Variants in ZNF490 observed in about 807,000 individuals in gnomAD.
The protein encoded by ZNF490 is zinc finger protein 490.
A neutral mutation model predicts 17.7 loss-of-function variants in ZNF490; 11 were observed. The ratio of observed to expected loss-of-function variants is 0.62; its 90% confidence interval spans 0.39 to 1.03. ZNF490 has a LOEUF of 1.03. ZNF490 is among the 50% of genes least tolerant of loss of function. The pLI, the probability that ZNF490 is intolerant of heterozygous loss-of-function variation, is 0.00. For synonymous variants in ZNF490, 222 were observed against 216.1 expected (o/e 1.03, Z -0.24); for missense variants, 542 against 643.4 (o/e 0.84, Z 1.71).
At chr19:12,588,936 G>A (rs555913208) in intron 2 of ZNF490, among the ~76,000 whole-genome samples, 5 of 152,316 alleles carry the variant, frequency 3.3e-5, no homozygotes, top group Non-Finnish European at 7.4e-5. Context: ...GTAGAATGCA[G>A]CAAAAGGAGT....
intron 2 of ZNF490, among the ~76,000 whole-genome samples, chr19:12,598,856 G>A (rs1461481172): frequency 4.6e-5 from 7 of 151,466 alleles, no homozygotes; most frequent in South Asian, 4.2e-4. Flanking sequence ...GCATGGTGGC[G>A]CGCACCTGTA....
At position 12,602,167 on chromosome 19, in the gene ZNF490, T is replaced by C. The variant is rs372905272; in HGVS notation, c.162+6991A>G. On this transcript the variant is annotated intron_variant, in intron 2 of 4. Coordinates refer to ENST00000311437, the MANE Select transcript of ZNF490 (RefSeq NM_020714.3). The stretch of plus-strand genomic sequence containing the variant: ...TTCTGGAATTTCAATTTCATGCCAT[T>C]GATCTCTATGTCTGAATTGCCTCAT... Among the ~76,000 whole-genome samples the C allele has an allele frequency of 1.1e-4, 17 of 149,248 alleles. No homozygotes were observed. In the East Asian group the frequency reaches 3.4e-3, roughly 30 times the overall value.
chr19:12,597,601 C>A (rs2022950239), intron 2 of ZNF490, among the ~76,000 whole-genome samples: 1 of 152,168 alleles, frequency 6.6e-6, no homozygotes. Flanking sequence ...TGAATAACAT[C>A]CCATTTACCG....
rs953950987 is a variant in ZNF490, at chr19:12,578,446, C to T, written c.*2039G>A. On this transcript the variant is annotated 3_prime_UTR_variant, in exon 5 of 5. Transcript: ENST00000311437. ...CAGGCTCTGCTTCTTCAGTCTCTCA[C>T]CTCAGAGCCACCTGCGGTTGCCACA... 1.3e-5 allele frequency: 13 copies of T among 985,316 alleles called. No homozygotes were observed. In the Admixed American group the frequency reaches 4.9e-4, roughly 37 times the overall value. 61.0% of individuals were successfully genotyped at this position (985,316 alleles called of 1,614,324 possible). A position where few individuals can be genotyped will look rare whatever the true frequency, so the allele number is the denominator to read the frequency against.
At chr19:12,609,396 T>TA (rs1035547344) in intron 1 of ZNF490, among the ~76,000 whole-genome samples, 194 bp from the exon 2 acceptor site, 17 of 150,862 alleles carry the variant, frequency 1.1e-4, no homozygotes, top group Admixed American at 2.6e-4. Context: ...GTTTCTACTT[T>TA]AAAAAAAAAA....
At chr19:12,595,771 G>A (rs1427375611) in intron 2 of ZNF490, among the ~76,000 whole-genome samples, 4 of 151,786 alleles carry the variant, frequency 2.6e-5, no homozygotes, top group African/African-American at 4.8e-5. Context: ...CCAACCTGGC[G>A]AAACCCCATC....
rs955514714 is a variant in ZNF490 at position 12,610,797 on chromosome 19, G to A, written c.-117C>T. On this transcript the variant is annotated 5_prime_UTR_variant, in exon 1 of 5. Coordinates refer to ENST00000311437, the MANE Select transcript of ZNF490 (RefSeq NM_020714.3). Reference sequence around the variant, plus strand: ...AGGGCACCAGTTCCGTCCCACCGGCGGAAGCGAGATCTGCCTAGCTACTAG... The same window carrying A: ...AGGGCACCAGTTCCGTCCCACCGGCAGAAGCGAGATCTGCCTAGCTACTAG... 6 of 1,084,604 alleles carry A rather than the reference G, an allele frequency of 5.5e-6. No homozygotes were observed. Among genetic ancestry groups the A allele is most frequent in the Non-Finnish European group, 6.9e-6 (5 of 721,270 alleles). 67.2% of individuals were successfully genotyped at this position (1,084,604 alleles called of 1,614,324 possible).
intron 2 of ZNF490, among the ~76,000 whole-genome samples, chr19:12,608,722 C>G (rs997002724): frequency 3.9e-5 from 6 of 152,052 alleles, no homozygotes; most frequent in African/African-American, 1.4e-4. Flanking sequence ...GTGATCCACC[C>G]ACCTTGCCTC....
chr19:12,578,681 C>G lies in ZNF490; in HGVS notation c.*1804G>C, dbSNP rs553062816. ...AGTACAGCATTCCCACAGTCTGACC[C>G]GAGGACACTGATGGAAACTTAAAAG... On this transcript the variant is annotated 3_prime_UTR_variant, in exon 5 of 5. Transcript: ENST00000311437. The G allele has an allele frequency of 1.1e-5, 11 of 985,470 alleles. No individual in the cohort carries two copies. In the South Asian group the frequency reaches 3.3e-4, roughly 29 times the overall value. 61.0% of individuals were successfully genotyped at this position (985,470 alleles called of 1,614,324 possible).
intron 2 of ZNF490, chr19:12,597,445 G>A (rs543700116): frequency 2.1e-4 from 57 of 268,780 alleles, no homozygotes; most frequent in Non-Finnish European, 3.8e-4. Flanking sequence ...GGTTTTCCCG[G>A]CGGGGATATT....
chr19:12,583,756 G>A (rs12975874), intron 2 of ZNF490, among the ~76,000 whole-genome samples, 200 bp from the exon 3 acceptor site: 3 of 29,766 alleles, frequency 1.0e-4, no homozygotes, highest in South Asian at 1.0e-3. Flanking sequence ...AAATTATTGC[G>A]CTCTCTCTCT....
At chr19:12,588,532 T>C (rs1413648875) in intron 2 of ZNF490, among the ~76,000 whole-genome samples, 2 of 152,188 alleles carry the variant, frequency 1.3e-5, no homozygotes, top group African/African-American at 4.8e-5. Context: ...CAGCTGTATA[T>C]TTCAATAACC....
At chr19:12,598,940 C>T (rs565492871) in intron 2 of ZNF490, among the ~76,000 whole-genome samples, 42 of 150,436 alleles carry the variant, frequency 2.8e-4, no homozygotes, top group African/African-American at 8.5e-4. Context: ...TGAGCCGAGA[C>T]TGCATCACTG....
At chr19:12,610,104 G>C (rs1268182929) in intron 1 of ZNF490, 1 of 387,522 alleles carries the variant, frequency 2.6e-6, no homozygotes, top group South Asian at 2.0e-5. Context: ...ACGTCTCATA[G>C]ATCGTGATTG....
chr19:12,577,664 AC>A lies in ZNF490; in HGVS notation c.*2820del. Reference sequence around the variant, plus strand: ...AAACCTTGCTCCAGTCGGCCTCTGGACCCTAGTATCTTCACCGTGGTTTTGG... The same window carrying A: ...AAACCTTGCTCCAGTCGGCCTCTGGACCTAGTATCTTCACCGTGGTTTTGG... On this transcript the variant is annotated 3_prime_UTR_variant, in exon 5 of 5. Transcript: ENST00000311437. The A allele has an allele frequency of 2.0e-6, 2 of 985,382 alleles. No individual in the cohort carries two copies. 61.0% of individuals were successfully genotyped at this position (985,382 alleles called of 1,614,324 possible). A position where few individuals can be genotyped will look rare whatever the true frequency, so the allele number is the denominator to read the frequency against.
At chr19:12,594,793 C>T (rs925170286) in intron 2 of ZNF490, among the ~76,000 whole-genome samples, 1 of 152,168 alleles carries the variant, frequency 6.6e-6, no homozygotes, top group African/African-American at 2.4e-5. Context: ...TGTCTCAGCA[C>T]TCCCACCTGG....
chr19:12,593,002 G>A (rs547166256), intron 2 of ZNF490, among the ~76,000 whole-genome samples: 7 of 152,232 alleles, frequency 4.6e-5, no homozygotes, highest in Middle Eastern at 3.4e-3. Context: ...ATGGTGCTTC[G>A]TGAGCCAGAG....
At position 12,610,561 on chromosome 19, in the gene ZNF490, T is replaced by G; in HGVS notation, c.117+3A>C. On this transcript the variant is annotated splice_donor_region_variant and intron_variant, in intron 1 of 4. Transcript: ENST00000311437. ...TTACAACATTATGCCAAGCCCCTGG[T>G]ACCTGGAGGACATCAGACCCTCCTG... 3 of 1,611,886 alleles carry G rather than the reference T, an allele frequency of 1.9e-6. No homozygotes were observed. The highest frequency in any genetic ancestry group is 2.5e-6 in the Non-Finnish European group (3 of 1,178,124).
chr19:12,610,644 G>C lies in ZNF490; in HGVS notation c.37C>G (p.Arg13Gly). The change falls in exon 1 of 5, where the codon CGA becomes GGA. Residue 13 changes from arginine (R) to glycine (G), a missense_variant. Physicochemically the swap from Arg to Gly is moderately radical, Grantham distance 125. Transcript: ENST00000311437. The part of the protein sequence containing the change: ...RNSSLSFQME[R>G]PLEEQVQSKW... ...CTCTGGACTTGCTCCTCGAGGGGTC[G>C]CTCCATCTGGAAACTGAGACTGGAA... is the stretch of plus-strand genomic sequence containing the variant. The C allele has an allele frequency of 6.2e-7, 1 of 1,613,800 alleles. No homozygotes were observed. The highest frequency in any genetic ancestry group is 8.5e-7 in the Non-Finnish European group (1 of 1,179,994).
Sources: gnomAD v4.1 joint callset for allele counts (sites outside exome capture counted in the v4.1 genomes callset) on GRCh38, gnomAD v4.1.1 for gene constraint, MANE v1.5 for transcripts, NCBI Gene and HGNC (gene_info 2026-07-23, HGNC 2026-07-21) for gene names.